CACNA1A: variants seen among roughly 807,000 people sequenced by gnomAD.
CACNA1A encodes the protein voltage-dependent P/Q-type calcium channel subunit alpha-1A.
In CACNA1A, 57 loss-of-function variants were observed where a neutral mutation model predicts 262.4. The ratio of observed to expected loss-of-function variants is 0.22; its 90% CI spans 0.18 to 0.27. The LOEUF (loss-of-function observed/expected upper bound fraction) is 0.27, where lower values mean the gene tolerates loss of function less well. Ranked by LOEUF, CACNA1A falls within the 10% of genes least tolerant of loss-of-function variation. The probability of loss-of-function intolerance (pLI) is 1.00; values close to 1 mark genes in which losing one functional copy is unlikely to be tolerated. For missense variants in CACNA1A, 2,526 were observed against 3,562.8 expected (o/e 0.71, Z 7.41); for synonymous variants, 1,431 against 1,419.3 (o/e 1.01, Z -0.18).
At chr19:13,231,139 G>A (rs2055652789) in intron 35 of CACNA1A, among the ~76,000 whole-genome samples, 1 of 151,754 alleles carries the variant, frequency 6.6e-6, no homozygotes, top group African/African-American at 2.4e-5. Flanking sequence ...GAGTAGCTGG[G>A]ACTGCAGGTG....
intron 3 of CACNA1A, among the ~76,000 whole-genome samples, chr19:13,373,192 C>G (rs747249243): frequency 1.4e-4 from 21 of 152,212 alleles, no homozygotes; most frequent in Non-Finnish European, 2.9e-4. Context: ...GGGTCTTGCT[C>G]TGATGCCCAG....
At chr19:13,271,765 C>CA (rs1555748254) in intron 24 of CACNA1A, 1 of 83,200 alleles carries the variant, frequency 1.2e-5, no homozygotes, top group Admixed American at 1.4e-4. Context: ...ACCTCCTCAG[C>CA]ATTTTTTTTT....
At chr19:13,336,268 C>T (rs1207415088) in intron 6 of CACNA1A, among the ~76,000 whole-genome samples, 7 of 152,162 alleles carry the variant, frequency 4.6e-5, no homozygotes, top group Admixed American at 4.6e-4. Flanking sequence ...GGTTCCTTCT[C>T]TTCTCCCAAC....
intron 5 of CACNA1A, among the ~76,000 whole-genome samples, chr19:13,360,265 G>GTATATATATATATCTATATATATATATA (rs2059081161): frequency 8.1e-6 from 1 of 124,202 alleles, no homozygotes; most frequent in Non-Finnish European, 1.7e-5. Context: ...GTGTGTGTGT[G>GTATATATATATATCTATATATATATATA]TATATATATA....
At chr19:13,309,066 T>C (rs1371963354) in intron 12 of CACNA1A, among the ~76,000 whole-genome samples, 1 of 152,130 alleles carries the variant, frequency 6.6e-6, no homozygotes, top group Non-Finnish European at 1.5e-5. Context: ...TGGTGTGCAG[T>C]GGCGCGATCT....
At position 13,228,601 on chromosome 19, in the gene CACNA1A, GAGAGAT is replaced by G. The variant is rs1290289528; in HGVS notation, c.5529-1080_5529-1075del. 414 of 225,808 alleles carry G rather than the reference GAGAGAT, an allele frequency of 1.8e-3. 2 individuals are homozygous for G. The highest frequency in any genetic ancestry group is 8.2e-3 in the African/African-American group (276 of 33,646). 14.0% of individuals were successfully genotyped at this position (225,808 alleles called of 1,614,324 possible). On this transcript the variant is annotated intron_variant, in intron 36 of 46. Transcript: ENST00000360228. Reference sequence around the variant, plus strand: ...ATGGCTCTGTTTTTTTAGAGAGAGAGAGAGATATATATATATATATATATGAAATAT... The same window carrying G: ...ATGGCTCTGTTTTTTTAGAGAGAGAGATATATATATATATATATGAAATAT...
At chr19:13,440,590 C>A (rs1273409730) in intron 3 of CACNA1A, among the ~76,000 whole-genome samples, 2 of 152,070 alleles carry the variant, frequency 1.3e-5, no homozygotes, top group East Asian at 3.8e-4. Context: ...GTTCTGAATG[C>A]CTTATATGTA....
chr19:13,285,032 C>T, intron 21 of CACNA1A, 36 bp downstream of exon 21: 1 of 1,611,904 alleles, frequency 6.2e-7, no homozygotes, highest in South Asian at 1.1e-5. Context: ...GTGGGAGCCC[C>T]AGGCCCCCCC....
intron 21 of CACNA1A, chr19:13,284,222 T>C (rs2057353090): frequency 6.6e-6 from 1 of 152,188 alleles, no homozygotes; most frequent in African/African-American, 2.4e-5. Flanking sequence ...GAGCTAAGCA[T>C]AGTAACAACC....
In CACNA1A at chr19:13,286,823, G is replaced by A. The variant is rs748935741; in HGVS notation, c.3233C>T (p.Ser1078Leu). 19 of 1,613,650 alleles carry A rather than the reference G, an allele frequency of 1.2e-5. No homozygotes were observed. Among genetic ancestry groups the A allele is most frequent in the Middle Eastern group, 3.3e-4 (2 of 6,060 alleles). The change falls in exon 20 of 47, where the codon TCG (serine) becomes TTG (leucine). Residue 1078 changes from serine (S) to leucine (L), a missense_variant. By Grantham distance (145) the Ser-to-Leu change is moderately radical. Coordinates refer to ENST00000360228, the MANE Select transcript of CACNA1A (RefSeq NM_001127222.2). ...GCCAAGGCTGCCGTGGGGAGCGGCC[G>A]ACTCCGCGGTGGCCAGCTTGTTGTT... ...MKNNKLATAESAAPHGSLGHA... is the reference protein window; with the variant it reads ...MKNNKLATAELAAPHGSLGHA...
intron 29 of CACNA1A, among the ~76,000 whole-genome samples, chr19:13,254,368 CT>C (rs559989685): frequency 4.1e-4 from 59 of 145,306 alleles, no homozygotes; most frequent in East Asian, 1.0e-3. Context: ...TTTTTCTTTT[CT>C]TTTTTTTTTT....
At chr19:13,292,954 C>T (rs1403065062) in intron 19 of CACNA1A, among the ~76,000 whole-genome samples, 1 of 151,988 alleles carries the variant, frequency 6.6e-6, no homozygotes, top group East Asian at 1.9e-4. Flanking sequence ...TTTGATGTGT[C>T]TATTAATAAT....
At position 13,334,385 on chromosome 19, in the gene CACNA1A, T is replaced by C. The variant is rs781149861; in HGVS notation, c.1191A>G (p.Ser397=). ...AGGATGAAAGGGCCTCACCTGCTTT[T>C]GAGATCCACTCCATGTACCCATTGA... The part of the protein sequence containing the change: ...RELNGYMEWI[S]KAEEVILAED... The change falls in exon 8 of 47, where the codon TCA becomes TCG. Residue 397 remains serine (S), a synonymous_variant. Coordinates refer to ENST00000360228, the MANE Select transcript of CACNA1A (RefSeq NM_001127222.2). 1.4e-5 allele frequency: 21 copies of C among 1,531,276 alleles called. No individual in the cohort carries two copies. Among genetic ancestry groups the C allele is most frequent in the Non-Finnish European group, 1.7e-5 (19 of 1,104,336 alleles). The allele number at this position is 1,531,276 out of a possible 1,614,324, so 94.9% of individuals were successfully genotyped here.
rs1230392475 is a variant in CACNA1A at position 13,395,975 on chromosome 19, T to A, written c.540-24196A>T. ...ATTGTACACTTTTTGTTCAATCATA[T>A]TTCTACACCGCTGTCCATACTTTGT... On this transcript the variant is annotated intron_variant, in intron 3 of 46. Transcript: ENST00000360228. 5.2e-4 allele frequency among the ~76,000 whole-genome samples: 80 copies of A among 152,382 alleles called. 2 individuals carry two copies. Among genetic ancestry groups the A allele is most frequent in the Non-Finnish European group, 8.8e-5 (6 of 68,042 alleles).
intron 3 of CACNA1A, among the ~76,000 whole-genome samples, chr19:13,401,241 G>A (rs777297407): frequency 8.5e-5 from 13 of 152,264 alleles, no homozygotes; most frequent in East Asian, 1.9e-4. Context: ...TATACTAAGC[G>A]TGGGGCTCTG....
chr19:13,306,077 C>T (rs10421090), intron 15 of CACNA1A, among the ~76,000 whole-genome samples: 4,195 of 138,840 alleles, frequency 0.03, 188 homozygotes, highest in African/African-American at 0.1. Flanking sequence ...AAAAAAAAAT[C>T]GCTTATGTGG....
At chr19:13,455,051 A>G (rs914386533) in intron 2 of CACNA1A, 56 bp downstream of exon 2, 11 of 1,112,924 alleles carry the variant, frequency 9.9e-6, no homozygotes, top group African/African-American at 6.2e-5. Context: ...CACTCCCCCA[A>G]AAATTAATGT....
At chr19:13,497,500 A>T in intron 1 of CACNA1A, among the ~76,000 whole-genome samples, 1 of 32,910 alleles carries the variant, frequency 3.0e-5, no homozygotes, top group Non-Finnish European at 5.2e-5. Flanking sequence ...AAAAAAAAAA[A>T]AAAAAAAAAA....
chr19:13,319,933 G>A (rs1502019), intron 10 of CACNA1A, among the ~76,000 whole-genome samples: 42,219 of 151,890 alleles, frequency 0.28, 6,267 homozygotes, highest in East Asian at 0.41. Flanking sequence ...GCTCTGGGCC[G>A]CCACATTGCA....
Sources: allele counts gnomAD v4.1 joint callset (sites outside exome capture counted in the v4.1 genomes callset), GRCh38; gene constraint gnomAD v4.1.1; transcripts MANE v1.5; gene names NCBI Gene and HGNC (gene_info 2026-07-23, HGNC 2026-07-21).